Variants in RCOR2 observed in about 807,000 individuals in gnomAD.
RCOR2 encodes REST corepressor 2.
A neutral mutation model predicts 58.9 loss-of-function variants in RCOR2; 19 were observed. The observed-to-expected ratio is 0.32, with a 90% CI of 0.23 to 0.47. The LOEUF (loss-of-function observed/expected upper bound fraction) is 0.47, where lower values mean the gene tolerates loss of function less well. RCOR2 is among the 20% of genes least tolerant of loss of function. The pLI is 1.00. For synonymous variants in RCOR2, 286 were observed against 278.7 expected (o/e 1.03, Z -0.26); for missense variants, 590 against 707.9 (o/e 0.83, Z 1.89).
chr11:63,912,309 T>C lies in RCOR2; in HGVS notation c.1253A>G (p.Asp418Gly), dbSNP rs1159920258. Residue 418 changes from aspartate to glycine, a missense_variant, in exon 11 of 12, where the codon GAT becomes GGT. Physicochemically the swap from Asp to Gly is moderately conservative, Grantham distance 94 (BLOSUM62 -1). Around this residue, in one of 3 missense-constraint regions of RCOR2, gnomAD observed 196 missense variants for 210.7 expected, o/e 0.93. Coordinates refer to ENST00000301459, the MANE Select transcript of RCOR2 (RefSeq NM_173587.4). ...TTTCTCTCACCCCCTTCTCACCTCA[T>C]CATCTTCCTCTAGGGCTGGGGCTGG... ...PLPAPALEEDDEVQITSVSTS... is the reference protein window; with the variant it reads ...PLPAPALEEDGEVQITSVSTS... 2 of 1,612,092 alleles carry C rather than the reference T, an allele frequency of 1.2e-6. No individual in the cohort carries two copies. The highest frequency in any genetic ancestry group is 1.3e-5 in the African/African-American group (1 of 74,900).
intron 3 of RCOR2, 60 bp downstream of exon 3, chr11:63,915,118 A>T (rs1007470883): frequency 6.6e-7 from 1 of 1,515,794 alleles, no homozygotes; most frequent in South Asian, 1.2e-5. Context: ...TTCTGAGAAG[A>T]GCTAGCTTGG....
upstream of RCOR2, among the ~76,000 whole-genome samples, chr11:63,919,701 CCCTCACCTACCCGAGCTACCTCCGA>C (rs1941903799): frequency 6.6e-6 from 1 of 152,246 alleles, no homozygotes; most frequent in African/African-American, 2.4e-5. Flanking sequence ...GAACCCGGGG[CCCTCACCTACCCGAGCTACCTCCGA>C]GCTTGGCGCG....
chr11:63,916,535 GC>G lies in RCOR2; in HGVS notation c.-80del. 6.6e-7 allele frequency: 1 copy of G among 1,505,150 alleles called. No individual in the cohort carries two copies. Among genetic ancestry groups the G allele is most frequent in the Non-Finnish European group, 8.9e-7 (1 of 1,129,136 alleles). The allele number at this position is 1,505,150 out of a possible 1,614,324, so 93.2% of individuals were successfully genotyped here. ...TTGCCGCACTCGCTCCGAGTGCCGA[GC>G]CCGGCCCGGCCTGGAGAGGTCGCCA... On this transcript the variant is annotated 5_prime_UTR_variant, in exon 1 of 12. Transcript: ENST00000301459.
Position 63,914,956 on chromosome 11 carries a change from T to TGCAGGGGCA in RCOR2, c.266-11_266-3dup. 2 of 1,613,918 alleles carry TGCAGGGGCA rather than the reference T, an allele frequency of 1.2e-6. No homozygotes were observed. The highest frequency in any genetic ancestry group is 1.7e-6 in the Non-Finnish European group (2 of 1,180,024). On this transcript the variant is annotated splice_region_variant and splice_polypyrimidine_tract_variant and intron_variant, in intron 3 of 11. Transcript: ENST00000301459. ...TGGCCATCGCAATGTACTTGTCAAC[T>TGCAGGGGCA]GCAGGGGCAGCAGGGGCAGGGTCTT...
chr11:63,919,584 T>TG (rs1941902718), upstream of RCOR2, among the ~76,000 whole-genome samples: 1 of 151,382 alleles, frequency 6.6e-6, no homozygotes. Context: ...GCCAGGAACA[T>TG]GGGGGTGTGG....
At chr11:63,915,489 T>G (rs1590736202) in intron 2 of RCOR2, 66 bp downstream of exon 2, 1 of 1,494,188 alleles carries the variant, frequency 6.7e-7, no homozygotes, top group African/African-American at 1.4e-5. Context: ...GCGCCCCAGG[T>G]GGGGCTGCAG....
rs774946706 is a variant in RCOR2 at position 63,912,085 on chromosome 11, G to A, written c.1352C>T (p.Pro451Leu). ...PPPTSLSQPPPLLRPPLPTAP... is the reference protein window; with the variant it reads ...PPPTSLSQPPLLLRPPLPTAP... The stretch of plus-strand genomic sequence containing the variant: ...CGTGGGCAAAGGTGGCCTCAGCAGC[G>A]GGGGTGGCTGGGACAGCGAGGTGGG... The change falls in exon 12 of 12, where the codon CCG (proline) becomes CTG (leucine). Residue 451 changes from proline (P) to leucine (L), a missense_variant. This residue lies in a region of RCOR2 where 196 missense variants were observed against 210.7 expected (regional missense o/e 0.93). Coordinates refer to ENST00000301459, the MANE Select transcript of RCOR2 (RefSeq NM_173587.4). The A allele has an allele frequency of 1.2e-4, 187 of 1,503,174 alleles. 1 individual carries two copies. The highest frequency in any genetic ancestry group is 4.0e-4 in the South Asian group (32 of 79,232). 93.1% of individuals were successfully genotyped at this position (1,503,174 alleles called of 1,614,324 possible).
chr11:63,911,754 C>A lies in RCOR2; in HGVS notation c.*111G>T, dbSNP rs1483848035. Reference sequence around the variant, plus strand: ...TGGGCTGTCCGAAACTCTGGTCTTACAAAGACCCCGCCAGAGCCCTAGTCC... The same window carrying A: ...TGGGCTGTCCGAAACTCTGGTCTTAAAAAGACCCCGCCAGAGCCCTAGTCC... On this transcript the variant is annotated 3_prime_UTR_variant, in exon 12 of 12. Coordinates refer to ENST00000301459, the MANE Select transcript of RCOR2 (RefSeq NM_173587.4). 6.5e-6 allele frequency: 9 copies of A among 1,390,356 alleles called. No individual in the cohort carries two copies. The South Asian group carries it at 1.2e-4, about 18-fold the overall frequency. 86.1% of individuals were successfully genotyped at this position (1,390,356 alleles called of 1,614,324 possible).
At chr11:63,914,630 G>A in intron 5 of RCOR2, 25 bp downstream of exon 5, 15 of 1,604,938 alleles carry the variant, frequency 9.3e-6, no homozygotes, top group Non-Finnish European at 1.3e-5. Context: ...AGGAGCGCCG[G>A]GGAGTGGGGG....
At chr11:63,920,074 T>G (rs1941905374), upstream of RCOR2, among the ~76,000 whole-genome samples, 1 of 152,064 alleles carries the variant, frequency 6.6e-6, no homozygotes, top group Non-Finnish European at 1.5e-5. Context: ...GAGACACAAG[T>G]CTATATGATG....
At chr11:63,912,271 C>T in intron 11 of RCOR2, 34 bp downstream of exon 11, 1 of 1,601,378 alleles carries the variant, frequency 6.2e-7, no homozygotes, top group Non-Finnish European at 8.5e-7. Context: ...CCTCGCCTCT[C>T]CTCTCTGAGG....
At chr11:63,913,919 C>G (rs564581126) in intron 8 of RCOR2, 35 bp downstream of exon 8, 1 of 1,603,084 alleles carries the variant, frequency 6.2e-7, no homozygotes, top group African/African-American at 1.3e-5. Flanking sequence ...CCGAATGCCA[C>G]CTTTGCATAG....
At chr11:63,918,293 C>T (rs1941889664), upstream of RCOR2, among the ~76,000 whole-genome samples, 1 of 152,214 alleles carries the variant, frequency 6.6e-6, no homozygotes, top group African/African-American at 2.4e-5. Flanking sequence ...GCCAGGGATC[C>T]CTGCCCCCAC....
chr11:63,913,709 G>A (rs1192550266), intron 8 of RCOR2, among the ~76,000 whole-genome samples: 1 of 152,038 alleles, frequency 6.6e-6, no homozygotes, highest in South Asian at 2.1e-4. Flanking sequence ...CTTGAACTGT[G>A]TACCTCAGGT....
chr11:63,912,552 G>A lies in RCOR2; in HGVS notation c.1028-18C>T, dbSNP rs1941784947. 1 of 1,605,252 alleles carries A rather than the reference G, an allele frequency of 6.2e-7. No individual in the cohort carries two copies. On this transcript the variant is annotated intron_variant, in intron 10 of 11. Coordinates refer to ENST00000301459, the MANE Select transcript of RCOR2 (RefSeq NM_173587.4). ...ACGGATGGCTGCAAGGGTCAAAAGGGCAGCAGCGTCAATACCCCTTCGAAC... is the reference window on the plus strand; with the variant it reads ...ACGGATGGCTGCAAGGGTCAAAAGGACAGCAGCGTCAATACCCCTTCGAAC...
At position 63,916,877 on chromosome 11, in the gene RCOR2, C is replaced by A. The variant is rs1293923861; in HGVS notation, c.-421G>T. ...CAATCTGCGCCCCCCGGGCTCTGCG[C>A]CTCTCAGCTGCGCCGGGGATGCCCC... On this transcript the variant is annotated 5_prime_UTR_variant, in exon 1 of 12. Coordinates refer to ENST00000301459, the MANE Select transcript of RCOR2 (RefSeq NM_173587.4). 6.2e-6 allele frequency: 1 copy of A among 161,680 alleles called. No homozygotes were observed. The highest frequency in any genetic ancestry group is 6.3e-5 in the Admixed American group (1 of 15,778). 10.0% of individuals were successfully genotyped at this position (161,680 alleles called of 1,614,324 possible). A position where few individuals can be genotyped will look rare whatever the true frequency, so the allele number is the denominator to read the frequency against.
chr11:63,926,100 G>C, the RCOR2 span, among the ~76,000 whole-genome samples: 1 of 151,960 alleles, frequency 6.6e-6, no homozygotes. Flanking sequence ...TAGTAGAGAC[G>C]GGGTTTCACC....
chr11:63,924,817 G>A, the RCOR2 span, among the ~76,000 whole-genome samples: 1 of 149,738 alleles, frequency 6.7e-6, no homozygotes, highest in African/African-American at 2.4e-5. Context: ...CTGAGTCACC[G>A]TGATTACAGG....
At position 63,912,186 on chromosome 11, in the gene RCOR2, G is replaced by A. The variant is rs1327995280; in HGVS notation, c.1258-7C>T. ...AGACCGATGTAATCTGGACCTGAGG[G>A]GAGAGGAAAGAGTGAGAAGCCAGGC... On this transcript the variant is annotated splice_region_variant and splice_polypyrimidine_tract_variant and intron_variant, in intron 11 of 11. Coordinates refer to ENST00000301459, the MANE Select transcript of RCOR2 (RefSeq NM_173587.4). 4 of 1,570,560 alleles carry A rather than the reference G, an allele frequency of 2.5e-6. No individual in the cohort carries two copies. The highest frequency in any genetic ancestry group is 3.4e-6 in the Non-Finnish European group (4 of 1,159,432).
Sources: allele counts gnomAD v4.1 joint callset (sites outside exome capture counted in the v4.1 genomes callset), GRCh38; gene constraint gnomAD v4.1.1; regional missense constraint gnomAD v4.1.1; transcripts MANE v1.5; gene names NCBI Gene and HGNC (gene_info 2026-07-23, HGNC 2026-07-21).